PCBP3: variants seen among roughly 807,000 people sequenced by gnomAD.
PCBP3 encodes the protein poly(rC)-binding protein 3.
Under a neutral mutation model 52.7 loss-of-function variants are expected in PCBP3, and 25 were observed. The observed-to-expected ratio is 0.47, with a 90% CI of 0.35 to 0.66. The LOEUF is 0.66. Ranked by LOEUF, PCBP3 falls within the 30% of genes least tolerant of loss-of-function variation. The probability of loss-of-function intolerance (pLI) is 0.01; values close to 1 mark genes in which losing one functional copy is unlikely to be tolerated. For synonymous variants in PCBP3, 162 were observed against 183.0 expected (o/e 0.89, Z 0.93); for missense variants, 391 against 490.3 (o/e 0.80, Z 1.91).
intron 4 of PCBP3, among the ~76,000 whole-genome samples, chr21:45,818,335 C>G (rs974727812): frequency 6.6e-6 from 1 of 152,096 alleles, no homozygotes; most frequent in African/African-American, 2.4e-5. Flanking sequence ...CATTGTTATT[C>G]ACGGATGGTC....
intron 4 of PCBP3, among the ~76,000 whole-genome samples, chr21:45,842,432 A>ATT (rs2093718122): frequency 6.6e-6 from 1 of 151,878 alleles, no homozygotes; most frequent in Non-Finnish European, 1.5e-5. Context: ...TCGCCTACTT[A>ATT]TTTGTTCAGG....
At position 45,817,399 on chromosome 21, in the gene PCBP3, A is replaced by G. The variant is rs1303091077; in HGVS notation, c.-125-32562A>G. Reference sequence around the variant, plus strand: ...CCCAGTAGTTCTGTCTCTCTCTGCCATTCCTCATGGAGTCCTTGCGTGCAC... The same window carrying G: ...CCCAGTAGTTCTGTCTCTCTCTGCCGTTCCTCATGGAGTCCTTGCGTGCAC... On this transcript the variant is annotated intron_variant, in intron 4 of 17. Coordinates refer to ENST00000681687, the MANE Select transcript of PCBP3 (RefSeq NM_001384156.1). The surrounding 1 kb of genome is among the most constrained non-coding windows in gnomAD (Gnocchi z 4.3). Among the ~76,000 whole-genome samples the G allele has an allele frequency of 2.6e-5, 4 of 152,178 alleles. No homozygotes were observed. The highest frequency in any genetic ancestry group is 4.4e-5 in the Non-Finnish European group (3 of 68,036).
intron 13 of PCBP3, among the ~76,000 whole-genome samples, chr21:45,926,258 C>T (rs759006064): frequency 1.1e-4 from 17 of 152,220 alleles, no homozygotes; most frequent in Admixed American, 3.3e-4. Flanking sequence ...ACGTGTGCTG[C>T]TGGTGCAAAC....
intron 2 of PCBP3, among the ~76,000 whole-genome samples, chr21:45,719,383 G>A (rs1400219879): frequency 6.6e-6 from 1 of 152,148 alleles, no homozygotes; most frequent in African/African-American, 2.4e-5. Context: ...AGCCATACCC[G>A]GTGGCAGGAA....
chr21:45,845,556 C>G (rs937525999), intron 4 of PCBP3, among the ~76,000 whole-genome samples: 2 of 149,092 alleles, frequency 1.3e-5, no homozygotes, highest in African/African-American at 5.0e-5. Context: ...TGTGTGTGAG[C>G]TGCTTAAGCA....
intron 2 of PCBP3, among the ~76,000 whole-genome samples, chr21:45,714,956 A>C (rs2084110295): frequency 6.6e-6 from 1 of 152,228 alleles, no homozygotes; most frequent in Non-Finnish European, 1.5e-5. Context: ...GTAAGAGCAA[A>C]ACACGGTTTA....
intron 2 of PCBP3, among the ~76,000 whole-genome samples, chr21:45,723,007 C>T (rs1225854700): frequency 1.3e-5 from 2 of 150,322 alleles, no homozygotes; most frequent in African/African-American, 4.9e-5. Context: ...CAGCAAGACC[C>T]GTCTCAAAAA....
At chr21:45,926,443 A>C (rs1359716979) in intron 13 of PCBP3, among the ~76,000 whole-genome samples, 1 of 152,254 alleles carries the variant, frequency 6.6e-6, no homozygotes, top group Non-Finnish European at 1.5e-5. Flanking sequence ...AAACAGCCTC[A>C]GGCAGGTCCC....
At chr21:45,868,980 C>T (rs1377540793) in intron 5 of PCBP3, among the ~76,000 whole-genome samples, 1 of 152,234 alleles carries the variant, frequency 6.6e-6, no homozygotes, top group African/African-American at 2.4e-5. Flanking sequence ...TTCAACAATT[C>T]AGACGCCCCA....
In PCBP3 at chr21:45,839,875, C is replaced by A. The variant is rs544859071; in HGVS notation, c.-125-10086C>A. Among the ~76,000 whole-genome samples, 306 of 152,006 alleles carry A rather than the reference C, an allele frequency of 2.0e-3. 2 individuals carry two copies. The highest frequency in any genetic ancestry group is 6.9e-3 in the African/African-American group (287 of 41,474). On this transcript the variant is annotated intron_variant, in intron 4 of 17. Coordinates refer to ENST00000681687, the MANE Select transcript of PCBP3 (RefSeq NM_001384156.1). ...CTAATTTTTGTACTTTCAGTAGAGACGGGGTTTCACCATGTTGGTCAGCCT... is the reference window on the plus strand; with the variant it reads ...CTAATTTTTGTACTTTCAGTAGAGAAGGGGTTTCACCATGTTGGTCAGCCT...
At chr21:45,687,364 T>C (rs1054898223) in intron 2 of PCBP3, among the ~76,000 whole-genome samples, 23 of 152,142 alleles carry the variant, frequency 1.5e-4, no homozygotes, top group African/African-American at 2.4e-4. Context: ...TAAAATGATA[T>C]AGGTGAGCAT....
chr21:45,823,563 T>C (rs1474434909), intron 4 of PCBP3, among the ~76,000 whole-genome samples: 1 of 152,080 alleles, frequency 6.6e-6, no homozygotes, highest in African/African-American at 2.4e-5. Flanking sequence ...GTGTGTGGGC[T>C]TGGCATGGGC....
At chr21:45,810,781 C>T (rs557195188) in intron 4 of PCBP3, among the ~76,000 whole-genome samples, 1 of 152,252 alleles carries the variant, frequency 6.6e-6, no homozygotes, top group South Asian at 2.1e-4. Flanking sequence ...ACAGAATTTG[C>T]CGGTGCCTTG....
intron 4 of PCBP3, among the ~76,000 whole-genome samples, chr21:45,822,589 A>G (rs577836368): frequency 1.3e-5 from 2 of 151,908 alleles, no homozygotes; most frequent in Admixed American, 1.3e-4. Context: ...TAGGAGAGCA[A>G]GGGGCGGACC....
At chr21:45,888,457 C>T (rs2095573718) in intron 5 of PCBP3, among the ~76,000 whole-genome samples, 1 of 152,236 alleles carries the variant, frequency 6.6e-6, no homozygotes, top group Non-Finnish European at 1.5e-5. Flanking sequence ...AGTCCCACCT[C>T]CCACGCCACA....
At chr21:45,789,310 G>C (rs1036116367) in intron 4 of PCBP3, among the ~76,000 whole-genome samples, 2 of 152,242 alleles carry the variant, frequency 1.3e-5, no homozygotes. Context: ...ATGTGTGCGA[G>C]GGTGAGTGTG....
At chr21:45,941,425 G>C (rs2077456823) in intron 17 of PCBP3, among the ~76,000 whole-genome samples, 1 of 152,170 alleles carries the variant, frequency 6.6e-6, no homozygotes, top group Non-Finnish European at 1.5e-5. Flanking sequence ...GCTCCACATG[G>C]GGAAGGCCTC....
intron 2 of PCBP3, among the ~76,000 whole-genome samples, chr21:45,708,429 CT>C (rs1419602085): frequency 6.6e-6 from 1 of 152,126 alleles, no homozygotes; most frequent in Non-Finnish European, 1.5e-5. Context: ...TTGAGGAACA[CT>C]GTTGATCAAG....
At chr21:45,882,487 T>C (rs1463192054) in intron 5 of PCBP3, among the ~76,000 whole-genome samples, 1 of 152,238 alleles carries the variant, frequency 6.6e-6, no homozygotes, top group Non-Finnish European at 1.5e-5. Flanking sequence ...GGTTGTCTCT[T>C]CACTCTGTTG....
Sources: gnomAD v4.1 joint callset for allele counts (sites outside exome capture counted in the v4.1 genomes callset) on GRCh38, gnomAD v4.1.1 for gene constraint, Gnocchi (gnomAD v3.1) non-coding constraint, MANE v1.5 for transcripts, NCBI Gene and HGNC (gene_info 2026-07-23, HGNC 2026-07-21) for gene names.